PPIG: variants seen among roughly 807,000 people sequenced by gnomAD.
PPIG encodes the protein peptidylprolyl isomerase G.
Under a neutral mutation model 87.9 loss-of-function variants are expected in PPIG, and 26 were observed. The ratio of observed to expected loss-of-function variants is 0.30; its 90% CI spans 0.22 to 0.41. PPIG has a LOEUF of 0.41. Ranked by LOEUF, PPIG falls within the 10% of genes least tolerant of loss-of-function variation. The pLI is 1.00. For missense variants in PPIG, 722 were observed against 879.4 expected (o/e 0.82, Z 2.26); for synonymous variants, 308 against 276.5 (o/e 1.11, Z -1.13).
chr2:169,624,924 A>G (rs1685846319), intron 9 of PPIG, among the ~76,000 whole-genome samples: 1 of 152,188 alleles, frequency 6.6e-6, no homozygotes, highest in South Asian at 2.1e-4. Flanking sequence ...GCTGAAAACA[A>G]CTGTTGCCGT....
rs368329323 is a variant in PPIG, at chr2:169,631,769, A to C, written c.765A>C (p.Ala255=). Residue 255 remains alanine (A), a synonymous_variant, in exon 11 of 14, where the codon GCA becomes GCC. Coordinates refer to ENST00000260970, the MANE Select transcript of PPIG (RefSeq NM_004792.3). The stretch of plus-strand genomic sequence containing the variant: ...TTGTGTGTTTCTGTCTGTTAAGTGC[A>C]TCTAGTGAGAGTGAAGCTGAAAATC... ...KKKRKKSKKS[A]SSESEAENLE... 5.1e-4 allele frequency: 829 copies of C among 1,613,864 alleles called. 1 individual carries two copies. The highest frequency in any genetic ancestry group is 6.6e-4 in the Middle Eastern group (4 of 6,052).
chr2:169,623,904 TAAAA>T (rs780827475), intron 9 of PPIG, among the ~76,000 whole-genome samples: 1 of 152,178 alleles, frequency 6.6e-6, no homozygotes. Flanking sequence ...GGGTCTCAAA[TAAAA>T]AACAAAGCAG....
At chr2:169,589,060 A>G (rs1230670421) in intron 1 of PPIG, among the ~76,000 whole-genome samples, 2 of 151,006 alleles carry the variant, frequency 1.3e-5, no homozygotes, top group African/African-American at 2.4e-5. Context: ...GTAGTTTGGT[A>G]GTGACAAAGA....
chr2:169,612,492 T>C (rs1261287984), intron 7 of PPIG, among the ~76,000 whole-genome samples: 1 of 150,818 alleles, frequency 6.6e-6, no homozygotes, highest in African/African-American at 2.4e-5. Flanking sequence ...CACGCCATTC[T>C]CCTGCCTCAG....
intron 10 of PPIG, chr2:169,631,528 T>G (rs1686051573): frequency 8.1e-7 from 1 of 1,227,904 alleles, no homozygotes; most frequent in Non-Finnish European, 1.0e-6. Flanking sequence ...TTTTATCCAT[T>G]TTGTAGGAAA....
Position 169,630,863 on chromosome 2 carries a change from T to C in PPIG, c.637T>C (p.Ser213Pro). 1 of 1,612,792 alleles carries C rather than the reference T, an allele frequency of 6.2e-7. No individual in the cohort carries two copies. Among genetic ancestry groups the C allele is most frequent in the East Asian group, 2.2e-5 (1 of 44,806 alleles). ...DSDSSSDSQS[S>P]SDSSDSESAT... ...AGATAGCTCAAGTGATTCTCAGTCCTCTTCTGATTCCTCTGATTCCGAAAG... is the reference window on the plus strand; with the variant it reads ...AGATAGCTCAAGTGATTCTCAGTCCCCTTCTGATTCCTCTGATTCCGAAAG... Residue 213 changes from serine (S) to proline (P), a missense_variant, in exon 10 of 14, where the codon TCT becomes CCT. This residue lies in a region of PPIG where 142 missense variants were observed against 152.8 expected (regional missense o/e 0.93). Coordinates refer to ENST00000260970, the MANE Select transcript of PPIG (RefSeq NM_004792.3).
chr2:169,630,645 C>T (rs909573246), intron 9 of PPIG, 129 bp from the exon 10 acceptor site: 1 of 759,772 alleles, frequency 1.3e-6, no homozygotes, highest in Non-Finnish European at 2.2e-6. Flanking sequence ...CCTGTACTTC[C>T]CAGTTCACAT....
chr2:169,591,147 C>T (rs989059099), intron 1 of PPIG, among the ~76,000 whole-genome samples: 37 of 152,076 alleles, frequency 2.4e-4, no homozygotes, highest in Admixed American at 2.2e-3. Context: ...ATGCCATGTC[C>T]GCTACTATAT....
Position 169,637,397 on chromosome 2 carries a change from G to C in PPIG, c.2139G>C (p.Lys713Asn). Reference protein sequence around the residue: ...SSMLKNKEDEKIRSSVEKENQ... With the variant: ...SSMLKNKEDENIRSSVEKENQ... ...TGTTGAAAAATAAGGAGGATGAGAA[G>C]ATCAGATCCTCAGTGGAAAAAGAAA... is the stretch of plus-strand genomic sequence containing the variant. Residue 713 changes from lysine to asparagine, a missense_variant, in exon 14 of 14, where the codon AAG (lysine) becomes AAC (asparagine). Transcript: ENST00000260970. 6.2e-7 allele frequency: 1 copy of C among 1,612,922 alleles called. No homozygotes were observed. Among genetic ancestry groups the C allele is most frequent in the Non-Finnish European group, 8.5e-7 (1 of 1,179,732 alleles).
chr2:169,608,034 T>C (rs1440833493), intron 6 of PPIG, among the ~76,000 whole-genome samples: 1 of 152,226 alleles, frequency 6.6e-6, no homozygotes, highest in Non-Finnish European at 1.5e-5. Context: ...CTCAGCTGTT[T>C]CTTGCTTTTT....
chr2:169,623,564 A>T (rs1685809361), intron 9 of PPIG, among the ~76,000 whole-genome samples: 1 of 152,234 alleles, frequency 6.6e-6, no homozygotes, highest in African/African-American at 2.4e-5. Context: ...GCCTGACAAT[A>T]CAGAACAAAT....
rs1173564107 is a variant in PPIG, at chr2:169,595,519, AT to A, written c.-69-8116del. Among the ~76,000 whole-genome samples, 10 of 152,160 alleles carry A rather than the reference AT, an allele frequency of 6.6e-5. No homozygotes were observed. In the South Asian group the frequency reaches 1.9e-3, roughly 28 times the overall value. On this transcript the variant is annotated intron_variant, in intron 1 of 13. Coordinates refer to ENST00000260970, the MANE Select transcript of PPIG (RefSeq NM_004792.3). Reference sequence around the variant, plus strand: ...CACTAGGTTTTATTGATTCTTAACTATTTTTTTGCACCCATTAACCATCCTC... The same window carrying A: ...CACTAGGTTTTATTGATTCTTAACTATTTTTTGCACCCATTAACCATCCTC...
intron 1 of PPIG, among the ~76,000 whole-genome samples, chr2:169,589,032 C>T (rs552405010): frequency 9.1e-4 from 137 of 150,832 alleles, no homozygotes; most frequent in African/African-American, 3.3e-3. Flanking sequence ...CGTGAGTTCC[C>T]AGTTAGTATT....
At chr2:169,604,286 TA>T in intron 4 of PPIG, 25 bp downstream of exon 4, 2 of 1,495,004 alleles carry the variant, frequency 1.3e-6, no homozygotes, top group Non-Finnish European at 1.9e-6. Context: ...TCAACTGCCC[TA>T]ATAGTAGTCT....
chr2:169,632,020 T>C, intron 11 of PPIG, 87 bp downstream of exon 11: 1 of 1,330,096 alleles, frequency 7.5e-7, no homozygotes, highest in Non-Finnish European at 9.8e-7. Context: ...AAGATTTAAT[T>C]GGTGACCTTG....
At chr2:169,596,490 C>T (rs559884002) in intron 1 of PPIG, among the ~76,000 whole-genome samples, 2 of 152,264 alleles carry the variant, frequency 1.3e-5, no homozygotes, top group Non-Finnish European at 2.9e-5. Context: ...AGAAGTAATG[C>T]CAGCAGAAAG....
At chr2:169,604,952 CT>C (rs915733410) in intron 4 of PPIG, among the ~76,000 whole-genome samples, 12 of 151,710 alleles carry the variant, frequency 7.9e-5, no homozygotes, top group Non-Finnish European at 1.5e-4. Context: ...AATCCCAGCA[CT>C]TTGGGGGGCC....
intron 9 of PPIG, among the ~76,000 whole-genome samples, chr2:169,623,108 A>C (rs146614565): frequency 2.1e-3 from 324 of 152,210 alleles, no homozygotes; most frequent in African/African-American, 7.4e-3. Flanking sequence ...TGTGCCAGAG[A>C]AAATTCAAAG....
intron 1 of PPIG, among the ~76,000 whole-genome samples, chr2:169,595,517 C>A (rs1012756597): frequency 6.6e-6 from 1 of 152,110 alleles, no homozygotes; most frequent in Admixed American, 6.6e-5. Flanking sequence ...TGATTCTTAA[C>A]TATTTTTTTG....
Sources: gnomAD v4.1 joint callset for allele counts (sites outside exome capture counted in the v4.1 genomes callset) on GRCh38, gnomAD v4.1.1 for gene constraint, gnomAD v4.1.1 regional missense constraint, MANE v1.5 for transcripts, NCBI Gene and HGNC (gene_info 2026-07-23, HGNC 2026-07-21) for gene names.